Variants in NFATC2 observed in about 807,000 individuals in gnomAD.
NFATC2 encodes nuclear factor of activated T-cells, cytoplasmic 2.
NFATC2 carries 22 observed loss-of-function variants against 87.3 expected under a neutral mutation model. The ratio of observed to expected loss-of-function variants is 0.25; its 90% CI spans 0.18 to 0.36. The LOEUF (loss-of-function observed/expected upper bound fraction) is 0.36, where lower values mean the gene tolerates loss of function less well. NFATC2 is among the 10% of genes least tolerant of loss of function. NFATC2 has a pLI of 1.00. For missense variants in NFATC2, 1,149 were observed against 1,259.1 expected, an observed-to-expected ratio of 0.91 and a Z score of 1.32; for synonymous variants, 565 against 542.2, an observed-to-expected ratio of 1.04 and a Z score of -0.58.
intron 9 of NFATC2, among the ~76,000 whole-genome samples, chr20:51,430,054 CCATAGCCAGT>C: frequency 6.6e-6 from 1 of 152,136 alleles, no homozygotes. Flanking sequence ...TCCGGGGCTG[CCATAGCCAGT>C]CATGACCACC....
rs370682738 is a variant in NFATC2 at position 51,512,343 on chromosome 20, G to A, written c.1332+4441C>T. Among the ~76,000 whole-genome samples the A allele has an allele frequency of 5.9e-5, 9 of 152,034 alleles. No individual in the cohort carries two copies. In the East Asian group the frequency reaches 7.8e-4, roughly 13 times the overall value. The stretch of plus-strand genomic sequence containing the variant: ...GCCCACAGATCCCCTCCAAGTGGCC[G>A]CCATCTGGCCTCTCAGGCCTCCCTG... On this transcript the variant is annotated intron_variant, in intron 3 of 10. Transcript: ENST00000371564.
At chr20:51,495,867 G>A (rs1600869804) in intron 3 of NFATC2, among the ~76,000 whole-genome samples, 1 of 152,326 alleles carries the variant, frequency 6.6e-6, no homozygotes, top group East Asian at 1.9e-4. Flanking sequence ...TGGGAAACCT[G>A]TGGATCAGAG....
At chr20:51,505,039 A>T (rs1399779675) in intron 3 of NFATC2, among the ~76,000 whole-genome samples, 4 of 98,322 alleles carry the variant, frequency 4.1e-5, no homozygotes, top group African/African-American at 8.1e-5. Flanking sequence ...TTTGAGACGG[A>T]GTCTCGCTCT....
At chr20:51,490,600 G>T (rs1016161159) in intron 3 of NFATC2, among the ~76,000 whole-genome samples, 1 of 152,032 alleles carries the variant, frequency 6.6e-6, no homozygotes, top group Non-Finnish European at 1.5e-5. Context: ...TAGGAAACCA[G>T]GATCACCAGC....
intron 1 of NFATC2, among the ~76,000 whole-genome samples, chr20:51,560,500 T>C (rs1301017485): frequency 6.6e-6 from 1 of 152,238 alleles, no homozygotes; most frequent in Non-Finnish European, 1.5e-5. Context: ...TTGGAATTTT[T>C]TTAAATGCAA....
At chr20:51,517,585 C>A (rs2076372551) in intron 2 of NFATC2, among the ~76,000 whole-genome samples, 1 of 150,392 alleles carries the variant, frequency 6.6e-6, no homozygotes, top group Non-Finnish European at 1.5e-5. Flanking sequence ...AGAGTGAGAC[C>A]CTGTCTCAAA....
intron 5 of NFATC2, among the ~76,000 whole-genome samples, chr20:51,466,659 G>A (rs1379859082): frequency 6.6e-6 from 1 of 152,158 alleles, no homozygotes; most frequent in Non-Finnish European, 1.5e-5. Context: ...GTGACAGAAT[G>A]TCTTTGCTAC....
rs561428960 is a variant in NFATC2, at chr20:51,476,944, A to G, written c.1333-1284T>C. On this transcript the variant is annotated intron_variant, in intron 3 of 10. Coordinates refer to ENST00000371564, the MANE Select transcript of NFATC2 (RefSeq NM_012340.5). Reference sequence around the variant, plus strand: ...AGGCACTTTTATGCAGGTAAGAGCAATATAGACTGGTATAACTATTTTAAA... The same window carrying G: ...AGGCACTTTTATGCAGGTAAGAGCAGTATAGACTGGTATAACTATTTTAAA... Among the ~76,000 whole-genome samples the G allele has an allele frequency of 4.6e-5, 7 of 152,346 alleles. No individual in the cohort carries two copies. The South Asian group carries it at 1.4e-3, about 32-fold the overall frequency.
chr20:51,477,558 T>TATATACAC (rs1555803303), intron 3 of NFATC2, among the ~76,000 whole-genome samples: 8 of 122,000 alleles, frequency 6.6e-5, no homozygotes, highest in African/African-American at 2.4e-4. Flanking sequence ...TATATATATA[T>TATATACAC]ATATATATAT....
At chr20:51,400,760 T>A (rs1987946941) in intron 9 of NFATC2, among the ~76,000 whole-genome samples, 1 of 152,044 alleles carries the variant, frequency 6.6e-6, no homozygotes. Context: ...CTCACAGACA[T>A]CTCCGGGGGT....
chr20:51,411,482 A>C (rs542903599), intron 9 of NFATC2, among the ~76,000 whole-genome samples: 1 of 147,822 alleles, frequency 6.8e-6, no homozygotes, highest in African/African-American at 2.5e-5. Flanking sequence ...CACACTACAA[A>C]CCATAGTGCA....
chr20:51,545,479 C>A (rs1188805809), upstream of NFATC2, among the ~76,000 whole-genome samples: 1 of 152,244 alleles, frequency 6.6e-6, no homozygotes, highest in African/African-American at 2.4e-5. Flanking sequence ...AAGGCAGGGG[C>A]TATGACCACC....
chr20:51,491,744 G>C (rs1443569836), intron 3 of NFATC2, among the ~76,000 whole-genome samples: 3 of 151,902 alleles, frequency 2.0e-5, no homozygotes, highest in African/African-American at 7.3e-5. Context: ...GGCACCCATA[G>C]GTCTCTGTGT....
intron 3 of NFATC2, among the ~76,000 whole-genome samples, chr20:51,492,384 G>T (rs1204491276): frequency 6.6e-6 from 1 of 152,190 alleles, no homozygotes; most frequent in East Asian, 1.9e-4. Flanking sequence ...CGTGAGTGCG[G>T]CATGACATGG....
chr20:51,546,979 C>T (rs970564506), upstream of NFATC2, among the ~76,000 whole-genome samples: 5 of 152,094 alleles, frequency 3.3e-5, no homozygotes, highest in African/African-American at 9.7e-5. Context: ...GTGGCAGGTG[C>T]TCAGGGAAGG....
chr20:51,542,295 G>A, intron 1 of NFATC2, 75 bp downstream of exon 1: 2 of 1,512,742 alleles, frequency 1.3e-6, no homozygotes, highest in South Asian at 1.3e-5. Flanking sequence ...GGAGCCAAGA[G>A]GACTCCTGTG....
chr20:51,419,686 C>A (rs575930418), intron 9 of NFATC2, among the ~76,000 whole-genome samples: 1 of 152,202 alleles, frequency 6.6e-6, no homozygotes, highest in African/African-American at 2.4e-5. Flanking sequence ...AATAACCTCC[C>A]CTGCCTTGCA....
In NFATC2 at chr20:51,555,108, T is replaced by C. The variant is rs144780757; in HGVS notation, c.70+7452A>G. 2.3e-3 allele frequency among the ~76,000 whole-genome samples: 349 copies of C among 152,296 alleles called. 2 individuals are homozygous for C. Among genetic ancestry groups the C allele is most frequent in the Non-Finnish European group, 3.4e-3 (232 of 68,024 alleles). ...CCCACACTGGCCCCAGCCATCTTCA[T>C]CTCCTGCCTGGACCACTGCAGCAGC... On this transcript the variant is annotated intron_variant, in intron 1 of 10. Coordinates refer to the NFATC2 transcript ENST00000414705.
chr20:51,391,495 G>A (rs779185868), intron 10 of NFATC2, 44 bp from the exon 11 acceptor site: 1 of 1,588,454 alleles, frequency 6.3e-7, no homozygotes, highest in South Asian at 1.1e-5. Context: ...AATGGGGCAA[G>A]TGAGAGGGCA....
Sources: gnomAD v4.1 joint callset for allele counts (sites outside exome capture counted in the v4.1 genomes callset) on GRCh38, gnomAD v4.1.1 for gene constraint, MANE v1.5 for transcripts, NCBI Gene and HGNC (gene_info 2026-07-23, HGNC 2026-07-21) for gene names.